Variants in SOX6 observed in about 807,000 individuals in gnomAD.
The protein encoded by SOX6 is transcription factor SOX-6.
In SOX6, 11 loss-of-function variants were observed where a neutral mutation model predicts 97.8. The observed-to-expected ratio is 0.11, with a 90% CI of 0.07 to 0.19. The LOEUF is 0.19. Among genes scored for constraint, SOX6 ranks in the 10% least tolerant of loss-of-function variants. The probability of loss-of-function intolerance (pLI) is 1.00; values close to 1 mark genes in which losing one functional copy is unlikely to be tolerated. For missense variants in SOX6, 810 were observed against 1,039.5 expected (o/e 0.78, Z 3.04); for synonymous variants, 360 against 371.4 (o/e 0.97, Z 0.35).
At chr11:16,496,363 C>T (rs1457650860) in intron 4 of SOX6, among the ~76,000 whole-genome samples, 1 of 149,916 alleles carries the variant, frequency 6.7e-6, no homozygotes, top group African/African-American at 2.5e-5. Context: ...TGAATAGGAA[C>T]AGCTCCAGTC....
intron 4 of SOX6, among the ~76,000 whole-genome samples, chr11:16,187,638 T>C (rs1426993241): frequency 1.3e-5 from 2 of 152,132 alleles, no homozygotes; most frequent in Admixed American, 1.3e-4. Flanking sequence ...CCTTTGTCAT[T>C]TGTCATTTTT....
chr11:16,558,458 T>C (rs1423006713), intron 4 of SOX6, among the ~76,000 whole-genome samples: 2 of 151,986 alleles, frequency 1.3e-5, no homozygotes, highest in African/African-American at 2.4e-5. Flanking sequence ...GAAAAGGTAA[T>C]TTACAAAGAA....
intron 6 of SOX6, among the ~76,000 whole-genome samples, chr11:16,165,282 T>C (rs1850857952): frequency 6.6e-6 from 1 of 152,232 alleles, no homozygotes; most frequent in Non-Finnish European, 1.5e-5. Flanking sequence ...TTACTTAGTA[T>C]GATTATTGCT....
intron 3 of SOX6, among the ~76,000 whole-genome samples, chr11:16,617,330 G>T (rs1848483964): frequency 6.6e-6 from 1 of 151,808 alleles, no homozygotes; most frequent in South Asian, 2.1e-4. Context: ...CACGCTTAAA[G>T]TTCTAGAATA....
At chr11:16,112,249 T>C (rs1299085442) in intron 6 of SOX6, among the ~76,000 whole-genome samples, 1 of 152,210 alleles carries the variant, frequency 6.6e-6, no homozygotes, top group African/African-American at 2.4e-5. Flanking sequence ...TTTGCTTCCT[T>C]TCTAGCACTG....
At chr11:16,561,286 C>T (rs541100253) in intron 4 of SOX6, among the ~76,000 whole-genome samples, 1 of 152,240 alleles carries the variant, frequency 6.6e-6, no homozygotes, top group South Asian at 2.1e-4. Context: ...TGCCTCTGGG[C>T]ACCACAGTGG....
chr11:16,186,943 C>A lies in SOX6; in HGVS notation c.548G>T (p.Ser183Ile). ...LLGEIKGTPE[S>I]LAEKERQLST... ...GAGCTGCCGTTCTTTTTCTGCCAGG[C>A]TCTCAGGTGTACCTAAAATGGAAGC... is the stretch of plus-strand genomic sequence containing the variant. Residue 183 changes from serine to isoleucine, a missense_variant, in exon 5 of 16, where the codon AGC (serine) becomes ATC (isoleucine). Ser to Ile is a moderately radical substitution (Grantham distance 142, BLOSUM62 -2). Transcript: ENST00000683767. 6.2e-7 allele frequency: 1 copy of A among 1,613,774 alleles called. No homozygotes were observed. The highest frequency in any genetic ancestry group is 1.1e-5 in the South Asian group (1 of 91,076).
chr11:16,285,894 A>G (rs998262142), intron 3 of SOX6, among the ~76,000 whole-genome samples: 1 of 152,146 alleles, frequency 6.6e-6, no homozygotes, highest in African/African-American at 2.4e-5. Flanking sequence ...TGAACCCTCA[A>G]ATATAATATA....
intron 6 of SOX6, among the ~76,000 whole-genome samples, chr11:16,159,786 T>C (rs1850697525): frequency 6.6e-6 from 1 of 152,196 alleles, no homozygotes; most frequent in Non-Finnish European, 1.5e-5. Flanking sequence ...TTGATAAGTC[T>C]GTTTCTACCT....
intron 2 of SOX6, among the ~76,000 whole-genome samples, chr11:16,723,319 C>G (rs900172980): frequency 1.3e-5 from 2 of 151,948 alleles, no homozygotes; most frequent in Non-Finnish European, 2.9e-5. Flanking sequence ...ACACTGGGGG[C>G]TTCTTGCGGA....
At chr11:16,498,181 G>C (rs986435640) in intron 4 of SOX6, among the ~76,000 whole-genome samples, 11 of 152,170 alleles carry the variant, frequency 7.2e-5, no homozygotes, top group African/African-American at 2.4e-4. Context: ...TTGAAGAAAA[G>C]AATTTTCAAC....
At chr11:16,272,988 G>T (rs939397724) in intron 3 of SOX6, among the ~76,000 whole-genome samples, 1 of 151,958 alleles carries the variant, frequency 6.6e-6, no homozygotes, top group African/African-American at 2.4e-5. Context: ...AATGTTACCT[G>T]AAAATGTTAG....
chr11:16,382,888 C>A (rs546904968), intron 1 of SOX6, among the ~76,000 whole-genome samples: 2 of 151,848 alleles, frequency 1.3e-5, no homozygotes, highest in East Asian at 1.9e-4. Flanking sequence ...AAGCTCTTAA[C>A]CGCAACTTAA....
intron 4 of SOX6, among the ~76,000 whole-genome samples, chr11:16,197,305 C>T (rs1205385978): frequency 6.6e-6 from 1 of 152,162 alleles, no homozygotes; most frequent in African/African-American, 2.4e-5. Context: ...GTGGGTGTGG[C>T]TGTTGCAACT....
chr11:16,254,712 A>C (rs2134204761), intron 3 of SOX6, among the ~76,000 whole-genome samples: 1 of 152,218 alleles, frequency 6.6e-6, no homozygotes, highest in South Asian at 2.1e-4. Context: ...GAAAGCAAAA[A>C]TAAAAATGAA....
chr11:16,190,072 T>C (rs919427670), intron 4 of SOX6, among the ~76,000 whole-genome samples: 6 of 152,208 alleles, frequency 3.9e-5, no homozygotes, highest in African/African-American at 1.4e-4. Context: ...CTGTTCACAG[T>C]GAAGCCAAAA....
intron 12 of SOX6, among the ~76,000 whole-genome samples, chr11:16,019,343 C>T (rs533884796): frequency 3.3e-5 from 5 of 152,140 alleles, no homozygotes; most frequent in Admixed American, 1.3e-4. Flanking sequence ...ATGAGAGGTA[C>T]TTTACTAACC....
At chr11:16,351,766 A>G (rs1856954648) in intron 1 of SOX6, among the ~76,000 whole-genome samples, 1 of 152,110 alleles carries the variant, frequency 6.6e-6, no homozygotes, top group Admixed American at 6.6e-5. Flanking sequence ...AAACACCTCT[A>G]ATAAGATCTG....
chr11:16,167,694 C>A (rs1264916033), intron 6 of SOX6, among the ~76,000 whole-genome samples: 3 of 152,174 alleles, frequency 2.0e-5, no homozygotes, highest in African/African-American at 7.2e-5. Flanking sequence ...CTGGAAGGAT[C>A]TTTCTCCTGA....
Sources: allele counts gnomAD v4.1 joint callset (sites outside exome capture counted in the v4.1 genomes callset), GRCh38; gene constraint gnomAD v4.1.1; transcripts MANE v1.5; gene names NCBI Gene and HGNC (gene_info 2026-07-23, HGNC 2026-07-21).